SDK1: variants seen among roughly 807,000 people sequenced by gnomAD.
SDK1 encodes protein sidekick-1.
In SDK1, 157 loss-of-function variants were observed where a neutral mutation model predicts 245.5. The ratio of observed to expected loss-of-function variants is 0.64; its 90% CI spans 0.56 to 0.73. The LOEUF (loss-of-function observed/expected upper bound fraction) is 0.73, where lower values mean the gene tolerates loss of function less well. Ranked by LOEUF, SDK1 falls within the 30% of genes least tolerant of loss-of-function variation. The pLI, the probability that SDK1 is intolerant of heterozygous loss-of-function variation, is 0.00. For synonymous variants in SDK1, 1,647 were observed against 1,278.5 expected, an observed-to-expected ratio of 1.29 and a Z score of -6.15; for missense variants, 3,583 against 3,002.3, an observed-to-expected ratio of 1.19 and a Z score of -4.52.
intron 22 of SDK1, among the ~76,000 whole-genome samples, chr7:4,092,995 C>G (rs1268906227): frequency 2.0e-5 from 3 of 152,016 alleles, no homozygotes; most frequent in African/African-American, 4.8e-5. Flanking sequence ...TTTAAAAGTG[C>G]ACCAAGAAGG....
chr7:3,729,923 G>T (rs1261639412), intron 4 of SDK1, among the ~76,000 whole-genome samples: 1 of 151,846 alleles, frequency 6.6e-6, no homozygotes, highest in East Asian at 1.9e-4. Context: ...GCATGCAGTG[G>T]CTGTGGATTT....
intron 35 of SDK1, among the ~76,000 whole-genome samples, chr7:4,189,412 G>A (rs535308849): frequency 2.0e-5 from 3 of 152,320 alleles, no homozygotes; most frequent in African/African-American, 4.8e-5. Flanking sequence ...CCCAAAAAGC[G>A]AGCCAGGACT....
chr7:3,845,478 G>A (rs548780319), intron 5 of SDK1, among the ~76,000 whole-genome samples: 3 of 114,866 alleles, frequency 2.6e-5, no homozygotes, highest in South Asian at 3.2e-4. Context: ...GACAGAGTGA[G>A]ACTCCGTCTC....
intron 1 of SDK1, among the ~76,000 whole-genome samples, chr7:3,319,878 C>CTATTTTTTTTT (rs1779754956): frequency 1.1e-5 from 1 of 88,102 alleles, no homozygotes; most frequent in Non-Finnish European, 2.2e-5. Context: ...CATTCTTAGT[C>CTATTTTTTTTT]TTTTTTTTTT....
chr7:3,472,167 C>T (rs796434681), intron 1 of SDK1, among the ~76,000 whole-genome samples: 8 of 152,226 alleles, frequency 5.3e-5, no homozygotes, highest in African/African-American at 1.9e-4. Flanking sequence ...TTTTTCATGG[C>T]TGAAGGGATT....
chr7:3,569,162 G>T (rs1397126065), intron 1 of SDK1, among the ~76,000 whole-genome samples: 2 of 151,972 alleles, frequency 1.3e-5, no homozygotes, highest in Non-Finnish European at 2.9e-5. Context: ...TTTAAAGTTA[G>T]TGAAAAGAGT....
At position 3,644,797 on chromosome 7, in the gene SDK1, A is replaced by AAAAAAAAAAAAAAC. The variant is rs1554301839; in HGVS notation, c.713+2694_713+2695insAAAAAAAAAAACAA. Among the ~76,000 whole-genome samples the AAAAAAAAAAAAAAC allele has an allele frequency of 2.0e-4, 26 of 131,640 alleles. 1 individual carries two copies. Among genetic ancestry groups the AAAAAAAAAAAAAAC allele is most frequent in the South Asian group, 5.5e-4 (2 of 3,640 alleles). The allele number at this position is 131,640 out of a possible 152,430, so 86.4% of individuals were successfully genotyped here. A position where few individuals can be genotyped will look rare whatever the true frequency, so the allele number is the denominator to read the frequency against. Reference sequence around the variant, plus strand: ...CCAAAAAAAAAAAAAAAAAAACAAAAAACAACAACAACGGCGGGGCAGGGG... The same window carrying AAAAAAAAAAAAAAC: ...CCAAAAAAAAAAAAAAAAAAACAAAAAAAAAAAAAAAAACAACAACAACAACGGCGGGGCAGGGG... On this transcript the variant is annotated intron_variant, in intron 4 of 44. Coordinates refer to ENST00000404826, the MANE Select transcript of SDK1 (RefSeq NM_152744.4).
intron 5 of SDK1, among the ~76,000 whole-genome samples, chr7:3,895,108 T>C (rs1781568528): frequency 6.6e-6 from 1 of 152,192 alleles, no homozygotes; most frequent in Non-Finnish European, 1.5e-5. Context: ...GTAAGAAGAA[T>C]AGCACAAAAT....
At chr7:3,315,898 A>T (rs1779652709) in intron 1 of SDK1, among the ~76,000 whole-genome samples, 1 of 152,162 alleles carries the variant, frequency 6.6e-6, no homozygotes. Context: ...TCTGTTGGAA[A>T]AAAGCATGCC....
At chr7:3,359,613 C>G (rs1215555888) in intron 1 of SDK1, among the ~76,000 whole-genome samples, 1 of 152,154 alleles carries the variant, frequency 6.6e-6, no homozygotes, top group Non-Finnish European at 1.5e-5. Context: ...TCTGTCCACA[C>G]CACAGGATCA....
chr7:4,101,295 C>G (rs1254576900), intron 22 of SDK1, among the ~76,000 whole-genome samples: 6 of 152,200 alleles, frequency 3.9e-5, no homozygotes, highest in African/African-American at 1.2e-4. Flanking sequence ...GTGCCCGCCA[C>G]CACACCACGC....
At chr7:3,774,214 CA>C (rs35211488) in intron 4 of SDK1, among the ~76,000 whole-genome samples, 1,273 of 70,330 alleles carry the variant, frequency 0.018, 8 homozygotes, top group South Asian at 0.035. Context: ...GACTCCATCT[CA>C]AAAAAAAAAA....
At chr7:3,860,334 A>T (rs947066624) in intron 5 of SDK1, among the ~76,000 whole-genome samples, 1 of 152,234 alleles carries the variant, frequency 6.6e-6, no homozygotes, top group African/African-American at 2.4e-5. Flanking sequence ...GAAAAAAGAC[A>T]ATGAAAAAAA....
At chr7:4,076,160 A>G (rs7809492) in intron 20 of SDK1, among the ~76,000 whole-genome samples, 61,855 of 152,198 alleles carry the variant, frequency 0.41, 14,904 homozygotes, top group African/African-American at 0.67. Flanking sequence ...ATGTAAGAGT[A>G]ATCTGTCAGT....
At chr7:3,470,147 G>T (rs1286199068) in intron 1 of SDK1, among the ~76,000 whole-genome samples, 3 of 152,058 alleles carry the variant, frequency 2.0e-5, no homozygotes, top group African/African-American at 4.8e-5. Context: ...ATTTTCAGCT[G>T]GTCTAGTTTG....
intron 4 of SDK1, among the ~76,000 whole-genome samples, chr7:3,695,606 G>A (rs114053895): frequency 1.0e-3 from 158 of 152,242 alleles, no homozygotes; most frequent in African/African-American, 3.8e-3. Context: ...ACCATACTTT[G>A]ATATGAATAT....
At chr7:3,968,200 C>T (rs1353538761) in intron 10 of SDK1, among the ~76,000 whole-genome samples, 1 of 152,228 alleles carries the variant, frequency 6.6e-6, no homozygotes. Flanking sequence ...CCACATCGTT[C>T]CGTGCCTTCT....
chr7:3,726,393 G>GT (rs1779008870), intron 4 of SDK1, among the ~76,000 whole-genome samples: 1 of 152,200 alleles, frequency 6.6e-6, no homozygotes, highest in Admixed American at 6.5e-5. Flanking sequence ...TCACTCGACT[G>GT]TAAGTATTTC....
At chr7:3,810,823 G>A (rs192807694) in intron 4 of SDK1, among the ~76,000 whole-genome samples, 190 of 152,260 alleles carry the variant, frequency 1.2e-3, no homozygotes, top group Admixed American at 1.7e-3. Flanking sequence ...AACGTTCGTG[G>A]CATCTGGGTG....
Sources: allele counts gnomAD v4.1 joint callset (sites outside exome capture counted in the v4.1 genomes callset), GRCh38; gene constraint gnomAD v4.1.1; transcripts MANE v1.5; gene names NCBI Gene and HGNC (gene_info 2026-07-23, HGNC 2026-07-21).